The following S100PBP variants were observed in gnomAD, a reference collection of about 807,000 sequenced individuals.
S100PBP encodes the protein S100P-binding protein.
In S100PBP, 15 loss-of-function variants were observed where a neutral mutation model predicts 39.9. The ratio of observed to expected loss-of-function variants is 0.38; its 90% CI spans 0.25 to 0.58. The LOEUF (loss-of-function observed/expected upper bound fraction) is 0.58. Ranked by LOEUF, S100PBP falls within the 20% of genes least tolerant of loss-of-function variation. The pLI is 0.70. For synonymous variants in S100PBP, 178 were observed against 180.3 expected, an observed-to-expected ratio of 0.99 and a Z score of 0.10; for missense variants, 504 against 487.3, an observed-to-expected ratio of 1.03 and a Z score of -0.32.
chr1:32,837,225 T>C (rs1255661948), intron 5 of S100PBP: 1 of 151,126 alleles, frequency 6.6e-6, no homozygotes. Context: ...CTGAAGTCTG[T>C]TATAAGTTTA....
At chr1:32,839,145 C>T (rs1263889087) in intron 5 of S100PBP, among the ~76,000 whole-genome samples, 1 of 152,128 alleles carries the variant, frequency 6.6e-6, no homozygotes, top group East Asian at 1.9e-4. Context: ...TCCCCTCCCC[C>T]TTGAGCCCCT....
chr1:32,820,021 A>G (rs1638972073), intron 1 of S100PBP, among the ~76,000 whole-genome samples: 1 of 152,062 alleles, frequency 6.6e-6, no homozygotes, highest in South Asian at 2.1e-4. Context: ...TCTGGTCTTC[A>G]GTGACAATAT....
At chr1:32,823,001 G>C (rs1223380441) in intron 1 of S100PBP, among the ~76,000 whole-genome samples, 2 of 151,558 alleles carry the variant, frequency 1.3e-5, no homozygotes, top group Non-Finnish European at 2.9e-5. Flanking sequence ...TCCTGTGCAA[G>C]TCTGTCACAG....
intron 5 of S100PBP, among the ~76,000 whole-genome samples, chr1:32,845,762 A>G (rs1423656852): frequency 6.6e-6 from 1 of 150,934 alleles, no homozygotes; most frequent in Non-Finnish European, 1.5e-5. Flanking sequence ...TCACTGTAGC[A>G]TCAACCTCCC....
chr1:32,832,959 A>C (rs1639664909), intron 5 of S100PBP, among the ~76,000 whole-genome samples: 1 of 151,668 alleles, frequency 6.6e-6, no homozygotes, highest in Admixed American at 6.6e-5. Context: ...ATGTAAGTAT[A>C]ATCTCTTTAG....
chr1:32,841,758 G>A (rs966647452), intron 5 of S100PBP, among the ~76,000 whole-genome samples: 2 of 149,188 alleles, frequency 1.3e-5, no homozygotes, highest in Non-Finnish European at 1.5e-5. Flanking sequence ...AAAAAATTAC[G>A]GATTATGCTT....
chr1:32,822,585 C>T (rs1350559303), intron 1 of S100PBP, among the ~76,000 whole-genome samples: 1 of 143,252 alleles, frequency 7.0e-6, no homozygotes, highest in African/African-American at 2.6e-5. Context: ...CGCGCCACTG[C>T]ACTCCAGTCT....
At chr1:32,817,405 C>A, upstream of S100PBP, 1 of 844,840 alleles carries the variant, frequency 1.2e-6, no homozygotes, top group Non-Finnish European at 1.9e-6. Flanking sequence ...CGGCAGCGGC[C>A]GGAAAAAGTG....
At chr1:32,816,701 A>AG (rs374446106), upstream of S100PBP, 407 of 164,206 alleles carry the variant, frequency 2.5e-3, 2 homozygotes, top group African/African-American at 7.3e-3. Context: ...TTGTGGAGTG[A>AG]GGGGGGGGGA....
chr1:32,852,890 T>A (rs893281285), intron 5 of S100PBP, 189 bp from the exon 6 acceptor site: 1 of 533,274 alleles, frequency 1.9e-6, no homozygotes, highest in Middle Eastern at 5.1e-4. Context: ...TATTATTGCT[T>A]CACCTTCACC....
rs1557522598 is a variant in S100PBP, at chr1:32,858,240, C to A, written c.*2202C>A. 6.6e-6 allele frequency: 1 copy of A among 152,638 alleles called. No homozygotes were observed. The highest frequency in any genetic ancestry group is 2.4e-5 in the African/African-American group (1 of 41,452). 9.5% of individuals were successfully genotyped at this position (152,638 alleles called of 1,614,324 possible). ...CCTCCTGGTACATGGGGTTTTAAGA[C>A]TGAATGTGTAATAGGAGCACTGCCT... On this transcript the variant is annotated 3_prime_UTR_variant, in exon 7 of 7. Transcript: ENST00000373475.
intron 1 of S100PBP, among the ~76,000 whole-genome samples, chr1:32,822,151 A>G (rs1639099517): frequency 6.6e-6 from 1 of 152,194 alleles, no homozygotes. Context: ...AAATGATACA[A>G]TGCCTGGGAT....
chr1:32,817,396 G>A, upstream of S100PBP: 3 of 916,894 alleles, frequency 3.3e-6, no homozygotes, highest in South Asian at 2.9e-5. Flanking sequence ...GGACCCCTCC[G>A]GCAGCGGCCG....
chr1:32,852,661 G>C (rs1640659823), intron 5 of S100PBP: 1 of 155,730 alleles, frequency 6.4e-6, no homozygotes, highest in Non-Finnish European at 1.4e-5. Context: ...CCCTGCTATA[G>C]TTACTCCCCC....
intron 3 of S100PBP, among the ~76,000 whole-genome samples, chr1:32,827,746 G>C (rs1639396670): frequency 7.0e-6 from 1 of 141,876 alleles, no homozygotes; most frequent in South Asian, 2.2e-4. Context: ...CTCCCAAAGT[G>C]TTGGGATTAT....
chr1:32,819,164 T>G, intron 1 of S100PBP, among the ~76,000 whole-genome samples: 2 of 143,902 alleles, frequency 1.4e-5, no homozygotes, highest in African/African-American at 2.6e-5. Flanking sequence ...AAGAAGGGGG[T>G]GGACAGGTGA....
At chr1:32,855,060 C>A (rs1385529076) in intron 6 of S100PBP, among the ~76,000 whole-genome samples, 1 of 152,098 alleles carries the variant, frequency 6.6e-6, no homozygotes, top group Non-Finnish European at 1.5e-5. Context: ...AAGAATTCAG[C>A]AAGTACTTGC....
At chr1:32,831,974 A>G (rs1221795413) in intron 5 of S100PBP, among the ~76,000 whole-genome samples, 1 of 152,216 alleles carries the variant, frequency 6.6e-6, no homozygotes, top group African/African-American at 2.4e-5. Flanking sequence ...CTTTCCCAGT[A>G]TTACCACAAC....
chr1:32,854,458 T>G (rs1425085915), intron 6 of S100PBP, among the ~76,000 whole-genome samples: 3 of 152,220 alleles, frequency 2.0e-5, no homozygotes, highest in Admixed American at 6.5e-5. Flanking sequence ...TCATTTTTCT[T>G]CTTTGAATAT....
Sources: gnomAD v4.1 joint callset for allele counts (sites outside exome capture counted in the v4.1 genomes callset) on GRCh38, gnomAD v4.1.1 for gene constraint, MANE v1.5 for transcripts, NCBI Gene and HGNC (gene_info 2026-07-23, HGNC 2026-07-21) for gene names.